The following GRIA1 variants were observed in gnomAD, a reference collection of about 807,000 sequenced individuals.
GRIA1 encodes glutamate receptor 1.
A neutral mutation model predicts 99.2 loss-of-function variants in GRIA1; 31 were observed. That is an observed-to-expected ratio of 0.31 (90% CI 0.23 to 0.42). GRIA1 has a LOEUF of 0.42. Ranked by LOEUF, GRIA1 falls within the 10% of genes least tolerant of loss-of-function variation. The pLI, the probability that GRIA1 is intolerant of heterozygous loss-of-function variation, is 1.00. For synonymous variants in GRIA1, 438 were observed against 432.4 expected, an observed-to-expected ratio of 1.01 and a Z score of -0.16; for missense variants, 782 against 1,157.5, an observed-to-expected ratio of 0.68 and a Z score of 4.71.
intron 2 of GRIA1, among the ~76,000 whole-genome samples, chr5:153,593,555 TTTA>T (rs1222509779): frequency 6.6e-6 from 1 of 152,148 alleles, no homozygotes; most frequent in East Asian, 1.9e-4. Flanking sequence ...GTGTTTCTGC[TTTA>T]TTGTTTTTTG....
At chr5:153,570,391 T>C (rs1762010287) in intron 2 of GRIA1, among the ~76,000 whole-genome samples, 1 of 152,166 alleles carries the variant, frequency 6.6e-6, no homozygotes, top group East Asian at 1.9e-4. Flanking sequence ...TATCAAACAG[T>C]GTTGCTCAGC....
At chr5:153,794,196 T>C (rs1391425450) in intron 13 of GRIA1, among the ~76,000 whole-genome samples, 1 of 152,208 alleles carries the variant, frequency 6.6e-6, no homozygotes, top group African/African-American at 2.4e-5. Context: ...TGCCTTCCCC[T>C]GCTCCCTACT....
intron 2 of GRIA1, among the ~76,000 whole-genome samples, chr5:153,577,123 T>G (rs1762626999): frequency 7.3e-6 from 1 of 136,630 alleles, no homozygotes; most frequent in South Asian, 2.7e-4. Flanking sequence ...AGTGGGTAGA[T>G]GAATGGGTGG....
At chr5:153,802,585 G>A in intron 15 of GRIA1, 95 bp downstream of exon 15, 2 of 1,255,210 alleles carry the variant, frequency 1.6e-6, no homozygotes, top group South Asian at 1.3e-5. Flanking sequence ...GGGAATGACA[G>A]GTGGTTGAGG....
chr5:153,690,207 G>C (rs2149501969), intron 8 of GRIA1, among the ~76,000 whole-genome samples: 1 of 151,978 alleles, frequency 6.6e-6, no homozygotes, highest in Non-Finnish European at 1.5e-5. Context: ...AGTTTGATAA[G>C]AATCACTGGC....
intron 2 of GRIA1, among the ~76,000 whole-genome samples, chr5:153,638,201 C>T (rs2149443583): frequency 6.6e-6 from 1 of 152,224 alleles, no homozygotes; most frequent in African/African-American, 2.4e-5. Context: ...ATAATATAAG[C>T]TTTATGAGGG....
intron 11 of GRIA1, among the ~76,000 whole-genome samples, chr5:153,743,732 A>C: frequency 6.6e-6 from 1 of 152,244 alleles, no homozygotes; most frequent in East Asian, 1.9e-4. Flanking sequence ...TCTTAAGTTC[A>C]ACTGATTAAT....
chr5:153,764,262 A>T (rs995791290), intron 11 of GRIA1, among the ~76,000 whole-genome samples, 172 bp from the exon 12 acceptor site: 65 of 152,346 alleles, frequency 4.3e-4, no homozygotes, highest in African/African-American at 1.5e-3. Context: ...AAGGAACAAA[A>T]TATGGAGTCT....
intron 2 of GRIA1, among the ~76,000 whole-genome samples, chr5:153,643,751 A>G (rs1169613538): frequency 6.6e-6 from 1 of 152,200 alleles, no homozygotes; most frequent in Non-Finnish European, 1.5e-5. Context: ...TTAGCCTTAG[A>G]GGAGAAAGCA....
At chr5:153,699,120 T>G (rs771742031) in intron 10 of GRIA1, 47 bp downstream of exon 10, 4 of 1,367,570 alleles carry the variant, frequency 2.9e-6, no homozygotes, top group Non-Finnish European at 4.1e-6. Context: ...GGCAGAGGGT[T>G]TGACAGGAAA....
intron 11 of GRIA1, among the ~76,000 whole-genome samples, chr5:153,751,087 C>G (rs1006573769): frequency 6.6e-6 from 1 of 151,972 alleles, no homozygotes; most frequent in Non-Finnish European, 1.5e-5. Context: ...ACAACAAGAG[C>G]GAGACTCTGT....
chr5:153,496,945 T>C (rs1754494331), intron 2 of GRIA1, among the ~76,000 whole-genome samples: 1 of 152,128 alleles, frequency 6.6e-6, no homozygotes. Context: ...CTATTCATTG[T>C]CCCTCCACCA....
chr5:153,542,613 T>A (rs1328973013), intron 2 of GRIA1, among the ~76,000 whole-genome samples: 2 of 152,238 alleles, frequency 1.3e-5, no homozygotes, highest in African/African-American at 2.4e-5. Flanking sequence ...TGTCCCAGAT[T>A]GAAGGTTTAC....
At chr5:153,790,770 A>G (rs894247441) in intron 13 of GRIA1, among the ~76,000 whole-genome samples, 2 of 152,074 alleles carry the variant, frequency 1.3e-5, no homozygotes, top group South Asian at 4.1e-4. Flanking sequence ...TTTAACACAC[A>G]CCTATGTTGG....
chr5:153,688,972 C>T (rs541295350), intron 8 of GRIA1, among the ~76,000 whole-genome samples: 2 of 152,144 alleles, frequency 1.3e-5, no homozygotes, highest in East Asian at 1.9e-4. Context: ...CATTCACCTC[C>T]GCCTCCCAAA....
chr5:153,503,911 G>A (rs1318284262), intron 2 of GRIA1, among the ~76,000 whole-genome samples: 1 of 152,152 alleles, frequency 6.6e-6, no homozygotes, highest in Non-Finnish European at 1.5e-5. Flanking sequence ...AGATTTTTAT[G>A]CTTAGCTTTT....
At chr5:153,714,602 T>C (rs1759538585) in intron 11 of GRIA1, among the ~76,000 whole-genome samples, 1 of 152,188 alleles carries the variant, frequency 6.6e-6, no homozygotes, top group African/African-American at 2.4e-5. Flanking sequence ...ACTGGATATA[T>C]GGCATCTGTG....
intron 11 of GRIA1, among the ~76,000 whole-genome samples, chr5:153,735,224 G>T (rs1050760007): frequency 1.3e-5 from 2 of 152,146 alleles, no homozygotes; most frequent in East Asian, 1.9e-4. Flanking sequence ...AGGAAGAGCC[G>T]CAGACAAAAC....
At chr5:153,769,609 C>A (rs1044147453) in intron 12 of GRIA1, among the ~76,000 whole-genome samples, 1 of 151,880 alleles carries the variant, frequency 6.6e-6, no homozygotes, top group Non-Finnish European at 1.5e-5. Context: ...CCCAAGTTAT[C>A]AGCTTTATTA....
Sources: allele counts gnomAD v4.1 joint callset (sites outside exome capture counted in the v4.1 genomes callset), GRCh38; gene constraint gnomAD v4.1.1; transcripts MANE v1.5; gene names NCBI Gene and HGNC (gene_info 2026-07-23, HGNC 2026-07-21).